SPATA13: variants seen among roughly 807,000 people sequenced by gnomAD.
The protein encoded by SPATA13 is spermatogenesis-associated protein 13.
Under a neutral mutation model 104.0 loss-of-function variants are expected in SPATA13, and 50 were observed. The observed-to-expected ratio is 0.48, with a 90% CI of 0.38 to 0.61. The LOEUF (loss-of-function observed/expected upper bound fraction) is 0.61. Ranked by LOEUF, SPATA13 falls within the 20% of genes least tolerant of loss-of-function variation. The pLI is 0.00. For missense variants in SPATA13, 1,524 were observed against 1,690.6 expected, an observed-to-expected ratio of 0.90 and a Z score of 1.73; for synonymous variants, 606 against 667.5, an observed-to-expected ratio of 0.91 and a Z score of 1.42.
intron 3 of SPATA13, among the ~76,000 whole-genome samples, chr13:24,081,530 C>G (rs9511036): frequency 0.15 from 22,244 of 151,798 alleles, 1,917 homozygotes; most frequent in Non-Finnish European, 0.2. Context: ...AAAAGCTGGC[C>G]CAGTGTGATG....
chr13:24,003,223 G>A (rs927095760), intron 2 of SPATA13, among the ~76,000 whole-genome samples: 1 of 152,138 alleles, frequency 6.6e-6, no homozygotes, highest in Non-Finnish European at 1.5e-5. Context: ...ATAGAAAGGG[G>A]AGTGCCTAGG....
intron 1 of SPATA13, among the ~76,000 whole-genome samples, chr13:24,195,057 C>T (rs932815882): frequency 6.6e-6 from 1 of 152,162 alleles, no homozygotes; most frequent in African/African-American, 2.4e-5. Context: ...GATTCCAGGA[C>T]CTTTTTAGCA....
chr13:24,093,290 T>C (rs1879967179), intron 3 of SPATA13, among the ~76,000 whole-genome samples: 1 of 152,228 alleles, frequency 6.6e-6, no homozygotes, highest in Non-Finnish European at 1.5e-5. Context: ...CCTTCCTGAA[T>C]AGAATACAAG....
intron 3 of SPATA13, among the ~76,000 whole-genome samples, chr13:24,150,578 A>G (rs1451066965): frequency 6.6e-6 from 1 of 152,188 alleles, no homozygotes; most frequent in Non-Finnish European, 1.5e-5. Context: ...ATTGCACACA[A>G]ATTTGAGGGC....
intron 1 of SPATA13, among the ~76,000 whole-genome samples, chr13:24,166,085 A>T (rs1209595902): frequency 6.6e-6 from 1 of 152,194 alleles, no homozygotes; most frequent in Non-Finnish European, 1.5e-5. Context: ...TTAGGGATTT[A>T]TGTGGATTTG....
At chr13:24,260,309 T>TTGAGAG (rs1186328748) in intron 4 of SPATA13, among the ~76,000 whole-genome samples, 1 of 152,144 alleles carries the variant, frequency 6.6e-6, no homozygotes, top group Non-Finnish European at 1.5e-5. Context: ...ATCTGAGAAG[T>TTGAGAG]TGAGAGTAGG....
chr13:24,124,925 C>G (rs1405164045), intron 3 of SPATA13, among the ~76,000 whole-genome samples: 1 of 152,090 alleles, frequency 6.6e-6, no homozygotes, highest in East Asian at 1.9e-4. Flanking sequence ...ATCTGTAGAA[C>G]CAAGTCTCAT....
chr13:24,203,859 A>G (rs1231671080), intron 1 of SPATA13, among the ~76,000 whole-genome samples: 4 of 152,324 alleles, frequency 2.6e-5, no homozygotes, highest in Non-Finnish European at 4.4e-5. Context: ...GAATGTTTCA[A>G]CAAATATTTA....
At chr13:24,169,300 C>G (rs1172054186) in intron 1 of SPATA13, among the ~76,000 whole-genome samples, 1 of 152,106 alleles carries the variant, frequency 6.6e-6, no homozygotes, top group Non-Finnish European at 1.5e-5. Context: ...GAGGTGCTAA[C>G]CCTGGAAAGC....
At chr13:24,002,317 C>CT (rs1876016639) in intron 2 of SPATA13, among the ~76,000 whole-genome samples, 1 of 152,100 alleles carries the variant, frequency 6.6e-6, no homozygotes, top group African/African-American at 2.4e-5. Flanking sequence ...CCATGTTGGG[C>CT]TTGCAGGCAG....
chr13:24,112,959 T>C (rs1267271059), intron 3 of SPATA13, among the ~76,000 whole-genome samples: 1 of 152,190 alleles, frequency 6.6e-6, no homozygotes, highest in African/African-American at 2.4e-5. Flanking sequence ...TCTAGCAGAC[T>C]CAACAGGAGG....
chr13:24,254,296 ATAT>A (rs957129615), intron 4 of SPATA13: 9 of 152,240 alleles, frequency 5.9e-5, no homozygotes, highest in African/African-American at 2.2e-4. Context: ...TTTTGCAAGT[ATAT>A]TATTAAGTAA....
rs150273310 is a variant in SPATA13 at position 24,000,107 on chromosome 13, C to T, written c.-147+16174C>T. On this transcript the variant is annotated intron_variant, in intron 2 of 14. Coordinates refer to the SPATA13 transcript ENST00000424834. The stretch of plus-strand genomic sequence containing the variant: ...CACCGAGGATGGTGAGGTAAGAAAC[C>T]TAGTGGGAGGGTTAGATGTTGATCA... Among the ~76,000 whole-genome samples, 160 of 152,232 alleles carry T rather than the reference C, an allele frequency of 1.1e-3. 3 individuals carry two copies. The highest frequency in any genetic ancestry group is 6.4e-3 in the East Asian group (33 of 5,182).
chr13:24,104,889 C>T (rs906255276), intron 3 of SPATA13, among the ~76,000 whole-genome samples: 4 of 152,204 alleles, frequency 2.6e-5, no homozygotes, highest in African/African-American at 9.7e-5. Context: ...CCATGCCAAA[C>T]CCTTTCACAC....
chr13:24,239,066 A>G (rs553070531), intron 2 of SPATA13, among the ~76,000 whole-genome samples: 29 of 152,340 alleles, frequency 1.9e-4, no homozygotes, highest in African/African-American at 6.0e-4. Flanking sequence ...GGTGTGATAC[A>G]ATCATGTGTA....
intron 3 of SPATA13, among the ~76,000 whole-genome samples, chr13:24,139,752 G>A (rs140686475): frequency 1.3e-5 from 2 of 152,280 alleles, no homozygotes; most frequent in African/African-American, 4.8e-5. Context: ...CTTAATTGAT[G>A]TACCTGTTTT....
At chr13:24,078,907 G>C (rs1180735216) in intron 3 of SPATA13, among the ~76,000 whole-genome samples, 1 of 152,174 alleles carries the variant, frequency 6.6e-6, no homozygotes, top group Non-Finnish European at 1.5e-5. Context: ...CAACAGTTTG[G>C]GAGATGGGCA....
chr13:24,056,910 T>C (rs1171461819), intron 3 of SPATA13, among the ~76,000 whole-genome samples: 1 of 149,980 alleles, frequency 6.7e-6, no homozygotes, highest in Non-Finnish European at 1.5e-5. Flanking sequence ...GGAACTTCTT[T>C]TTTTTTTTTT....
intron 1 of SPATA13, among the ~76,000 whole-genome samples, chr13:24,220,023 G>A (rs914350965): frequency 7.2e-5 from 11 of 152,086 alleles, no homozygotes; most frequent in Non-Finnish European, 1.0e-4. Flanking sequence ...ACTGTGTGTC[G>A]TTGACTGTTG....
Sources: gnomAD v4.1 joint callset for allele counts (sites outside exome capture counted in the v4.1 genomes callset) on GRCh38, gnomAD v4.1.1 for gene constraint, MANE v1.5 for transcripts, NCBI Gene and HGNC (gene_info 2026-07-23, HGNC 2026-07-21) for gene names.